The following CATSPERE variants were observed in gnomAD, a reference collection of about 807,000 sequenced individuals.
CATSPERE encodes catsper channel auxiliary subunit epsilon.
A neutral mutation model predicts 114.1 loss-of-function variants in CATSPERE; 93 were observed. The ratio of observed to expected loss-of-function variants is 0.81; its 90% CI spans 0.69 to 0.97. The LOEUF (loss-of-function observed/expected upper bound fraction) is 0.97, where lower values mean the gene tolerates loss of function less well. Ranked by LOEUF, CATSPERE falls within the 50% of genes least tolerant of loss-of-function variation. The pLI is 0.00. For missense variants in CATSPERE, 1,058 were observed against 1,131.6 expected, an observed-to-expected ratio of 0.93 and a Z score of 0.93; for synonymous variants, 341 against 384.1, an observed-to-expected ratio of 0.89 and a Z score of 1.31.
At chr1:244,609,447 T>C (rs1484488142) in intron 18 of CATSPERE, among the ~76,000 whole-genome samples, 1 of 151,468 alleles carries the variant, frequency 6.6e-6, no homozygotes, top group Non-Finnish European at 1.5e-5. Flanking sequence ...GCCTCCCAGG[T>C]TCAAGCAATT....
chr1:244,585,047 T>A lies in CATSPERE; in HGVS notation c.2085+1108T>A, dbSNP rs553213494. On this transcript the variant is annotated intron_variant, in intron 13 of 21. Coordinates refer to ENST00000366534, the MANE Select transcript of CATSPERE (RefSeq NM_001130957.2). ...GCCTTCCCGAAGCACCGTGGTTTCC[T>A]CCAGCCCTCTCTAATCTATAGAATT... 7.9e-5 allele frequency among the ~76,000 whole-genome samples: 12 copies of A among 151,830 alleles called. No homozygotes were observed. In the South Asian group the frequency reaches 1.7e-3, roughly 21 times the overall value.
intron 9 of CATSPERE, among the ~76,000 whole-genome samples, chr1:244,555,809 A>C (rs1011990657): frequency 6.6e-6 from 1 of 152,230 alleles, no homozygotes; most frequent in African/African-American, 2.4e-5. Context: ...AAAATAAATC[A>C]AGAAAGCACT....
In CATSPERE at chr1:244,547,261, T is replaced by TC. The variant is rs58437480; in HGVS notation, c.537-5060dup. On this transcript the variant is annotated intron_variant, in intron 8 of 21. Coordinates refer to ENST00000366534, the MANE Select transcript of CATSPERE (RefSeq NM_001130957.2). Reference sequence around the variant, plus strand: ...GGCCATCCTTCAAAAATGAAGATTTTCACAGGCAAACAAAATCTGAGGGAG... The same window carrying TC: ...GGCCATCCTTCAAAAATGAAGATTTTCCACAGGCAAACAAAATCTGAGGGAG... 3.3e-5 allele frequency among the ~76,000 whole-genome samples: 5 copies of TC among 151,414 alleles called. No homozygotes were observed. The East Asian group carries it at 9.8e-4, about 30-fold the overall frequency.
chr1:244,581,987 G>A, intron 12 of CATSPERE, 133 bp downstream of exon 12: 2 of 443,450 alleles, frequency 4.5e-6, no homozygotes, highest in South Asian at 3.2e-5. Context: ...TTCAATGTCT[G>A]GATAGATGTA....
chr1:244,503,996 AT>A (rs1434905706), intron 7 of CATSPERE, among the ~76,000 whole-genome samples: 1 of 152,112 alleles, frequency 6.6e-6, no homozygotes, highest in Non-Finnish European at 1.5e-5. Flanking sequence ...ACCTGGAGAT[AT>A]TTCATGCTTA....
In CATSPERE at chr1:244,616,921, T is replaced by C. The variant is rs368115856; in HGVS notation, c.2491-608T>C. ...GAAGAAGAGTCCTTTAAGTAGGGTG[T>C]GAAAACATACAGGATCTAAGAGGAC... On this transcript the variant is annotated intron_variant, in intron 19 of 21. Transcript: ENST00000366534. Among the ~76,000 whole-genome samples the C allele has an allele frequency of 2.0e-5, 3 of 152,194 alleles. No individual in the cohort carries two copies. In the East Asian group the frequency reaches 5.8e-4, roughly 29 times the overall value.
At chr1:244,609,423 G>A (rs1051796955) in intron 18 of CATSPERE, among the ~76,000 whole-genome samples, 11 of 150,754 alleles carry the variant, frequency 7.3e-5, no homozygotes, top group East Asian at 5.9e-4. Flanking sequence ...TGATCTTGGC[G>A]CACTGCAACC....
At chr1:244,563,477 T>A (rs1052077818) in intron 10 of CATSPERE, among the ~76,000 whole-genome samples, 1 of 152,254 alleles carries the variant, frequency 6.6e-6, no homozygotes, top group Admixed American at 6.5e-5. Context: ...TGAGACGGTA[T>A]GTCATTGTGG....
intron 6 of CATSPERE, among the ~76,000 whole-genome samples, chr1:244,491,475 G>A (rs1404601252): frequency 5.3e-5 from 8 of 151,802 alleles, no homozygotes; most frequent in Non-Finnish European, 8.8e-5. Context: ...AGCACTAAAT[G>A]CCCACAAGAG....
chr1:244,542,300 ACT>A (rs377510307), intron 8 of CATSPERE, among the ~76,000 whole-genome samples: 258 of 152,022 alleles, frequency 1.7e-3, no homozygotes, highest in African/African-American at 6.0e-3. Flanking sequence ...CTGAGTGGCG[ACT>A]CTACCACGCC....
chr1:244,577,581 A>C (rs1201121116), intron 11 of CATSPERE, among the ~76,000 whole-genome samples: 1 of 152,196 alleles, frequency 6.6e-6, no homozygotes, highest in African/African-American at 2.4e-5. Flanking sequence ...TTCCTCACAG[A>C]CAGCGTCTTT....
At chr1:244,456,574 T>A (rs1666184503), upstream of CATSPERE, among the ~76,000 whole-genome samples, 2 of 152,186 alleles carry the variant, frequency 1.3e-5, no homozygotes, top group African/African-American at 4.8e-5. Flanking sequence ...AGATTTTTGG[T>A]AAAATAAAAT....
Position 244,504,363 on chromosome 1 carries a change from C to A in CATSPERE, c.429+5284C>A, listed in dbSNP as rs1246358466. On this transcript the variant is annotated intron_variant, in intron 7 of 21. Coordinates refer to ENST00000366534, the MANE Select transcript of CATSPERE (RefSeq NM_001130957.2). This position sits in a 1 kb window ranked among gnomAD's most constrained non-coding sequence, Gnocchi z 4.1. ...TATTACAAAGATAGTACAAGGAGTT[C>A]CTGTTTATCCCACACCTAGTTTTCT... Among the ~76,000 whole-genome samples the A allele has an allele frequency of 6.6e-6, 1 of 152,134 alleles. No homozygotes were observed. Among genetic ancestry groups the A allele is most frequent in the Non-Finnish European group, 1.5e-5 (1 of 68,004 alleles).
chr1:244,584,868 G>T (rs562894552), intron 13 of CATSPERE, among the ~76,000 whole-genome samples: 1 of 152,096 alleles, frequency 6.6e-6, no homozygotes, highest in Non-Finnish European at 1.5e-5. Context: ...CCAGGAAATC[G>T]CCTGCAGGTG....
At chr1:244,514,926 G>C (rs1004439167) in intron 7 of CATSPERE, among the ~76,000 whole-genome samples, 3 of 151,500 alleles carry the variant, frequency 2.0e-5, no homozygotes, top group African/African-American at 7.3e-5. Context: ...CAATTTCCTA[G>C]TTTAGACAAT....
chr1:244,477,584 T>C lies in CATSPERE; in HGVS notation c.158T>C (p.Val53Ala). The C allele has an allele frequency of 6.2e-7, 1 of 1,601,790 alleles. No individual in the cohort carries two copies. Among genetic ancestry groups the C allele is most frequent in the Non-Finnish European group, 8.6e-7 (1 of 1,169,570 alleles). The change falls in exon 3 of 22, where the codon GTG (valine) becomes GCG (alanine). Residue 53 changes from valine (V) to alanine (A), a missense_variant. Transcript: ENST00000366534. ...YEGTLFTEWSVPETCFVLNKS... is the reference protein window; with the variant it reads ...YEGTLFTEWSAPETCFVLNKS... The stretch of plus-strand genomic sequence containing the variant: ...GGAACATTATTTACTGAGTGGAGTG[T>C]GCCAGAAACTTGTTTTGTGCTAAAT...
In CATSPERE at chr1:244,552,375, G is replaced by A. The variant is rs146421388; in HGVS notation, c.590G>A (p.Arg197Lys). ...AAAGATGATGCACTAAAGGAGATTAGAGGAAACCAAGTTACTTTTCAGGAT... is the reference window on the plus strand; with the variant it reads ...AAAGATGATGCACTAAAGGAGATTAAAGGAAACCAAGTTACTTTTCAGGAT... ...MTKDDALKEI[R>K]GNQVTFQDCF... Residue 197 changes from arginine to lysine, a missense_variant, in exon 9 of 22, where the codon AGA (arginine) becomes AAA (lysine). Physicochemically the swap from Arg to Lys is conservative, Grantham distance 26 (BLOSUM62 2). Coordinates refer to ENST00000366534, the MANE Select transcript of CATSPERE (RefSeq NM_001130957.2). The A allele has an allele frequency of 4.7e-5, 76 of 1,614,080 alleles. No individual in the cohort carries two copies. The African/African-American group carries it at 1.0e-3, about 21-fold the overall frequency.
At chr1:244,502,824 G>A (rs1674267327) in intron 7 of CATSPERE, among the ~76,000 whole-genome samples, 1 of 152,186 alleles carries the variant, frequency 6.6e-6, no homozygotes, top group African/African-American at 2.4e-5. Flanking sequence ...AAGAAGCCAT[G>A]TAGAATAGGT....
chr1:244,476,103 T>C (rs548457545), intron 2 of CATSPERE, among the ~76,000 whole-genome samples: 109 of 152,250 alleles, frequency 7.2e-4, no homozygotes, highest in Non-Finnish European at 1.1e-3. Flanking sequence ...GTTTTGGTAA[T>C]TGTTCTATGT....
Sources: allele counts gnomAD v4.1 joint callset (sites outside exome capture counted in the v4.1 genomes callset), GRCh38; gene constraint gnomAD v4.1.1; non-coding constraint Gnocchi (gnomAD v3.1); transcripts MANE v1.5; gene names NCBI Gene and HGNC (gene_info 2026-07-23, HGNC 2026-07-21).